Variants in SGMS1 observed in about 807,000 individuals in gnomAD.
SGMS1 encodes the protein sphingomyelin synthase 1.
In SGMS1, 13 loss-of-function variants were observed where a neutral mutation model predicts 46.2. That is an observed-to-expected ratio of 0.28 (90% CI 0.18 to 0.45). SGMS1 has a LOEUF of 0.45. Among genes scored for constraint, SGMS1 ranks in the 20% least tolerant of loss-of-function variants. The pLI is 1.00. For missense variants in SGMS1, 324 were observed against 519.9 expected, an observed-to-expected ratio of 0.62 and a Z score of 3.66; for synonymous variants, 203 against 187.8, an observed-to-expected ratio of 1.08 and a Z score of -0.66.
intron 6 of SGMS1, among the ~76,000 whole-genome samples, chr10:50,368,847 A>G (rs1285151625): frequency 2.0e-5 from 3 of 152,236 alleles, no homozygotes; most frequent in Non-Finnish European, 4.4e-5. Context: ...TTGAACAAAC[A>G]CGGCCAAGGC....
In SGMS1 at chr10:50,598,028, GA is replaced by G. The variant is rs538921194; in HGVS notation, c.-683-7782del. 6.6e-3 allele frequency among the ~76,000 whole-genome samples: 975 copies of G among 146,836 alleles called. 9 individuals are homozygous for G. Among genetic ancestry groups the G allele is most frequent in the Non-Finnish European group, 9.5e-3 (629 of 66,230 alleles). Reference sequence around the variant, plus strand: ...ACTCCGTCTCAAAAAAAAAAAAAAAGAAAAAAAAATTCACAGAAGTTGCTAC... The same window carrying G: ...ACTCCGTCTCAAAAAAAAAAAAAAAGAAAAAAAATTCACAGAAGTTGCTAC... On this transcript the variant is annotated intron_variant, in intron 1 of 10. Transcript: ENST00000361781.
chr10:50,601,771 G>A (rs1383151237), intron 1 of SGMS1, among the ~76,000 whole-genome samples: 8 of 152,270 alleles, frequency 5.3e-5, no homozygotes, highest in Admixed American at 1.3e-4. Context: ...TGGATTTCAG[G>A]AATTTTTGTG....
chr10:50,377,840 G>C (rs915852113), intron 6 of SGMS1, among the ~76,000 whole-genome samples: 16 of 152,212 alleles, frequency 1.1e-4, no homozygotes, highest in African/African-American at 3.9e-4. Flanking sequence ...GGCATTCTTC[G>C]ATTTGTGGCC....
chr10:50,399,986 G>A (rs368667675), intron 6 of SGMS1, among the ~76,000 whole-genome samples: 1 of 148,748 alleles, frequency 6.7e-6, no homozygotes, highest in Non-Finnish European at 1.5e-5. Flanking sequence ...CCGGGATCGC[G>A]CCACTGCACT....
rs987435366 is a variant in SGMS1 at position 50,580,430 on chromosome 10, C to CCA, written c.-589+9722_-589+9723insTG. 1.8e-4 allele frequency among the ~76,000 whole-genome samples: 28 copies of CCA among 151,682 alleles called. No homozygotes were observed. In the East Asian group the frequency reaches 5.0e-3, roughly 27 times the overall value. ...TTACCACAGCAAGTTAGGGACCCCCCCCCAAACCCCTCAACCCTCACTTAT... is the reference window on the plus strand; with the variant it reads ...TTACCACAGCAAGTTAGGGACCCCCCCACCCAAACCCCTCAACCCTCACTTAT... On this transcript the variant is annotated intron_variant, in intron 2 of 10. Transcript: ENST00000361781.
At chr10:50,529,084 C>T (rs957787228) in intron 2 of SGMS1, among the ~76,000 whole-genome samples, 6 of 152,164 alleles carry the variant, frequency 3.9e-5, no homozygotes, top group Non-Finnish European at 5.9e-5. Context: ...TGGCATTAGA[C>T]AGGGTATGTG....
intron 6 of SGMS1, among the ~76,000 whole-genome samples, chr10:50,404,445 A>C (rs1353133455): frequency 6.6e-6 from 1 of 152,014 alleles, no homozygotes; most frequent in Admixed American, 6.6e-5. Context: ...CCATCTCTAT[A>C]GAAAATACAA....
intron 7 of SGMS1, among the ~76,000 whole-genome samples, chr10:50,330,402 C>T (rs376193679): frequency 2.2e-4 from 33 of 152,078 alleles, no homozygotes; most frequent in African/African-American, 3.1e-4. Flanking sequence ...GGAGGATCGC[C>T]GGAGCCTGGG....
chr10:50,499,570 A>T (rs1837644283), intron 3 of SGMS1, among the ~76,000 whole-genome samples: 1 of 152,210 alleles, frequency 6.6e-6, no homozygotes, highest in Admixed American at 6.5e-5. Context: ...ACAAGATAGT[A>T]TTTTCTTATA....
At chr10:50,446,236 C>T (rs1195752386) in intron 5 of SGMS1, among the ~76,000 whole-genome samples, 1 of 152,194 alleles carries the variant, frequency 6.6e-6, no homozygotes, top group Non-Finnish European at 1.5e-5. Flanking sequence ...CTGTGACCCA[C>T]ACCCTATTCA....
intron 7 of SGMS1, among the ~76,000 whole-genome samples, chr10:50,333,431 C>T (rs1380781660): frequency 6.6e-6 from 1 of 152,224 alleles, no homozygotes; most frequent in Admixed American, 6.5e-5. Context: ...TGCATCCTTT[C>T]TGCATTCATA....
intron 1 of SGMS1, among the ~76,000 whole-genome samples, chr10:50,618,726 T>A (rs936883359): frequency 2.0e-5 from 3 of 152,146 alleles, no homozygotes; most frequent in Admixed American, 6.5e-5. Context: ...TTTAGCAGTG[T>A]TTAGTAAAAA....
At chr10:50,550,630 C>G (rs1838140748) in intron 2 of SGMS1, among the ~76,000 whole-genome samples, 1 of 152,300 alleles carries the variant, frequency 6.6e-6, no homozygotes, top group African/African-American at 2.4e-5. Flanking sequence ...GCTACCCTGG[C>G]ATGCCCTGAG....
intron 6 of SGMS1, among the ~76,000 whole-genome samples, chr10:50,411,348 C>T (rs963866097): frequency 1.3e-5 from 2 of 152,074 alleles, no homozygotes; most frequent in South Asian, 4.2e-4. Context: ...ATGTCTAGGA[C>T]GTGTTTGAGC....
At chr10:50,549,645 C>T (rs1216939090) in intron 2 of SGMS1, among the ~76,000 whole-genome samples, 13 of 152,086 alleles carry the variant, frequency 8.5e-5, no homozygotes, top group African/African-American at 3.1e-4. Context: ...CCATGGCACA[C>T]GTTTACCTAT....
intron 2 of SGMS1, among the ~76,000 whole-genome samples, chr10:50,553,414 G>A (rs1430461949): frequency 6.6e-6 from 1 of 151,942 alleles, no homozygotes; most frequent in Non-Finnish European, 1.5e-5. Flanking sequence ...TGCACAAAAA[G>A]TACTTAGTAT....
At chr10:50,606,803 T>C (rs16906575) in intron 1 of SGMS1, among the ~76,000 whole-genome samples, 8,924 of 152,234 alleles carry the variant, frequency 0.059, 735 homozygotes, top group East Asian at 0.36. Context: ...GAATATCTGC[T>C]GTTAGTATCC....
chr10:50,309,936 G>A (rs183517578), intron 9 of SGMS1, among the ~76,000 whole-genome samples: 4 of 152,192 alleles, frequency 2.6e-5, no homozygotes, highest in Admixed American at 2.6e-4. Context: ...CTTTGTTACT[G>A]CAGCAATCTC....
chr10:50,413,187 A>G (rs1252204536), intron 6 of SGMS1, among the ~76,000 whole-genome samples: 4 of 152,206 alleles, frequency 2.6e-5, no homozygotes, highest in African/African-American at 7.2e-5. Flanking sequence ...TCTAAGCCCT[A>G]TGAAATAGAG....
Sources: gnomAD v4.1 joint callset for allele counts (sites outside exome capture counted in the v4.1 genomes callset) on GRCh38, gnomAD v4.1.1 for gene constraint, MANE v1.5 for transcripts, NCBI Gene and HGNC (gene_info 2026-07-23, HGNC 2026-07-21) for gene names.